Variants in APBB1 observed in about 807,000 individuals in gnomAD.
The protein encoded by APBB1 is amyloid beta precursor protein binding family B member 1.
A neutral mutation model predicts 78.4 loss-of-function variants in APBB1; 22 were observed. The ratio of observed to expected loss-of-function variants is 0.28; its 90% CI spans 0.20 to 0.40. APBB1 has a LOEUF of 0.40. Ranked by LOEUF, APBB1 falls within the 10% of genes least tolerant of loss-of-function variation. The pLI is 1.00. For missense variants in APBB1, 749 were observed against 932.4 expected (o/e 0.80, Z 2.56); for synonymous variants, 369 against 372.7 (o/e 0.99, Z 0.12).
chr11:6,398,421 T>C (rs1848336914), intron 12 of APBB1, among the ~76,000 whole-genome samples: 1 of 152,190 alleles, frequency 6.6e-6, no homozygotes, highest in Non-Finnish European at 1.5e-5. Flanking sequence ...AAATGAATAA[T>C]TAATGAATGA....
At chr11:6,419,189 C>A (rs937781062), upstream of APBB1, 161 of 318,962 alleles carry the variant, frequency 5.0e-4, no homozygotes, top group Non-Finnish European at 7.6e-4. Context: ...GCGGGCGCGG[C>A]ACTTGCCGCA....
rs748534765 is a variant in APBB1 at position 6,411,016 on chromosome 11, T to C, written c.332A>G (p.Lys111Arg). The C allele has an allele frequency of 1.6e-5, 26 of 1,614,038 alleles. No homozygotes were observed. Among genetic ancestry groups the C allele is most frequent in the Non-Finnish European group, 1.3e-5 (15 of 1,180,040 alleles). Reference protein sequence around the residue: ...QEPEMAPLGPKGLIHLYSELE... With the variant: ...QEPEMAPLGPRGLIHLYSELE... ...CTCAGAGTACAGGTGTATCAGGCCTTTGGGGCCCAAGGGTGCCATCTCAGG... is the reference window on the plus strand; with the variant it reads ...CTCAGAGTACAGGTGTATCAGGCCTCTGGGGCCCAAGGGTGCCATCTCAGG... Residue 111 changes from lysine (K) to arginine (R), a missense_variant, in exon 2 of 15, where the codon AAA becomes AGA. This residue lies in a region of APBB1 where 635 missense variants were observed against 765.0 expected (regional missense o/e 0.83). Transcript: ENST00000609360. This position sits in a 1 kb window ranked among gnomAD's most constrained non-coding sequence, Gnocchi z 5.2.
Position 6,401,406 on chromosome 11 carries a change from G to A in APBB1, c.1527C>T (p.Ala509=), listed in dbSNP as rs148544187. The change falls in exon 11 of 15, where the codon GCC becomes GCT. Residue 509 remains alanine (A), a synonymous_variant. Coordinates refer to ENST00000609360, the MANE Select transcript of APBB1 (RefSeq NM_001164.5). The surrounding 1 kb of genome is among the most constrained non-coding windows in gnomAD (Gnocchi z 4.5). ...GGGAGAGTCCATTTACCAAGCAGCG[G>A]GCATTACGCCGTTCGGCCATGATCT... ...CSKIMAERRN[A]RCLVNGLSLD... is the part of the protein sequence containing the mutation. 3.1e-6 allele frequency: 5 copies of A among 1,614,024 alleles called. No homozygotes were observed. The African/African-American group carries it at 5.3e-5, about 17-fold the overall frequency.
In APBB1 at chr11:6,403,777, G is replaced by A. The variant is rs1370812955; in HGVS notation, c.767C>T (p.Pro256Leu). ...GTCCTGGACCCTCATCCATCCAGCC[G>A]GCAGGTCGGAATCCGTCTCGAAGGC... is the stretch of plus-strand genomic sequence containing the variant. ...PNAFETDSDL[P>L]AGWMRVQDTS... The change falls in exon 3 of 15, where the codon CCG becomes CTG. Residue 256 changes from proline (P) to leucine (L), a missense_variant. Physicochemically the swap from Pro to Leu is moderately conservative, Grantham distance 98 (BLOSUM62 -3). Transcript: ENST00000609360. The surrounding 1 kb of genome is among the most constrained non-coding windows in gnomAD (Gnocchi z 5.3). 5.0e-6 allele frequency: 8 copies of A among 1,586,022 alleles called. No homozygotes were observed. Among genetic ancestry groups the A allele is most frequent in the Non-Finnish European group, 6.9e-6 (8 of 1,163,578 alleles).
rs185982434 is a variant in APBB1 at position 6,403,109 on chromosome 11, C to A, written c.1104+36G>T. ...AGGGGCTGTCTGACAAATAAGAGGG[C>A]CCCAGACTCAGAATGGGTGTCAGTC... On this transcript the variant is annotated intron_variant, in intron 6 of 14. Transcript: ENST00000609360. This position sits in a 1 kb window ranked among gnomAD's most constrained non-coding sequence, Gnocchi z 5.3. The A allele has an allele frequency of 9.5e-5, 149 of 1,574,118 alleles. No individual in the cohort carries two copies. The East Asian group carries it at 2.6e-3, about 27-fold the overall frequency.
intron 13 of APBB1, 53 bp downstream of exon 13, chr11:6,396,047 C>G: frequency 5.6e-6 from 9 of 1,599,626 alleles, no homozygotes; most frequent in Admixed American, 1.7e-5. Flanking sequence ...CCCTCACCCC[C>G]AGTCTCCCCT....
chr11:6,405,883 GCA>G (rs1848781910), intron 2 of APBB1, among the ~76,000 whole-genome samples: 1 of 152,172 alleles, frequency 6.6e-6, no homozygotes, highest in Non-Finnish European at 1.5e-5. Context: ...TCCAGGAACA[GCA>G]CCCTAGGGCC....
Position 6,405,774 on chromosome 11 carries a change from A to C in APBB1, c.722-1952T>G, listed in dbSNP as rs548303365. The C allele has an allele frequency of 6.5e-6, 5 of 766,604 alleles. No individual in the cohort carries two copies. The South Asian group carries it at 3.0e-4, about 45-fold the overall frequency. 47.5% of individuals were successfully genotyped at this position (766,604 alleles called of 1,614,324 possible). On this transcript the variant is annotated intron_variant, in intron 2 of 14. Coordinates refer to ENST00000609360, the MANE Select transcript of APBB1 (RefSeq NM_001164.5). ...CCCCCTAACTCACACTCTATGGAAT[A>C]AGGTTTTCAATAGGCACCTGAAACT...
intron 2 of APBB1, among the ~76,000 whole-genome samples, chr11:6,406,711 C>A (rs542069711): frequency 3.7e-4 from 57 of 152,212 alleles, no homozygotes; most frequent in Non-Finnish European, 7.2e-4. Flanking sequence ...CCCTTACTCT[C>A]GATTTTCACC....
At position 6,404,585 on chromosome 11, in the gene APBB1, T is replaced by C. The variant is rs768726596; in HGVS notation, c.722-763A>G. On this transcript the variant is annotated intron_variant, in intron 2 of 14. Transcript: ENST00000609360. ...TGCTGCACACAGATGCAAGCAAACATGTCATGCACATACACACATACCTCG... is the reference window on the plus strand; with the variant it reads ...TGCTGCACACAGATGCAAGCAAACACGTCATGCACATACACACATACCTCG... 1.1e-5 allele frequency: 17 copies of C among 1,535,834 alleles called. No individual in the cohort carries two copies. In the East Asian group the frequency reaches 2.0e-4, roughly 18 times the overall value.
chr11:6,402,761 T>C (rs1290251662), intron 6 of APBB1, 36 bp from the exon 7 acceptor site: 1 of 1,612,658 alleles, frequency 6.2e-7, no homozygotes, highest in Non-Finnish European at 8.5e-7. Flanking sequence ...AGGTAGAGGA[T>C]CTGAGTCAAA....
chr11:6,407,389 A>G (rs1444866778), intron 2 of APBB1, among the ~76,000 whole-genome samples: 2 of 152,094 alleles, frequency 1.3e-5, no homozygotes, highest in Non-Finnish European at 2.9e-5. Context: ...TGCAGCCCCC[A>G]CAGTGACCAT....
chr11:6,404,985 A>G (rs1848735746), intron 2 of APBB1: 3 of 1,431,320 alleles, frequency 2.1e-6, no homozygotes. Context: ...GGCCAGGACC[A>G]CCATGCTAGG....
chr11:6,400,869 AAGGGTAGGGAGAC>A, intron 12 of APBB1, 107 bp downstream of exon 12: 1 of 931,834 alleles, frequency 1.1e-6, no homozygotes, highest in Non-Finnish European at 1.8e-6. Flanking sequence ...ATGCATTTTA[AAGGGTAGGGAGAC>A]ACCAAGCATG....
Position 6,401,769 on chromosome 11 carries a change from G to T in APBB1, c.1389-81C>A. On this transcript the variant is annotated intron_variant, in intron 9 of 14. Transcript: ENST00000609360. The surrounding 1 kb of genome is among the most constrained non-coding windows in gnomAD (Gnocchi z 4.5). Reference sequence around the variant, plus strand: ...TCCCCACCCCACCCACGTCCTCCCTGCCCATCACAGCTCCTCCAGGGCTTC... The same window carrying T: ...TCCCCACCCCACCCACGTCCTCCCTTCCCATCACAGCTCCTCCAGGGCTTC... 6.6e-7 allele frequency: 1 copy of T among 1,515,788 alleles called. No homozygotes were observed. The highest frequency in any genetic ancestry group is 9.1e-7 in the Non-Finnish European group (1 of 1,094,248). The allele number at this position is 1,515,788 out of a possible 1,614,324, so 93.9% of individuals were successfully genotyped here.
intron 13 of APBB1, 44 bp from the exon 14 acceptor site, chr11:6,396,006 C>A: frequency 1.2e-6 from 2 of 1,605,030 alleles, no homozygotes; most frequent in Non-Finnish European, 1.7e-6. Context: ...CAACCCCACA[C>A]TGTGTTCCAC....
intron 1 of APBB1, among the ~76,000 whole-genome samples, chr11:6,418,619 G>A (rs1323959034): frequency 5.9e-5 from 9 of 152,200 alleles, no homozygotes; most frequent in African/African-American, 1.9e-4. Context: ...CAGGGCCTGG[G>A]ACCCCTGCTG....
At chr11:6,410,048 G>A (rs1018228462) in intron 2 of APBB1, among the ~76,000 whole-genome samples, 3 of 151,850 alleles carry the variant, frequency 2.0e-5, no homozygotes, top group African/African-American at 4.8e-5. Context: ...CTGTTAAAAC[G>A]GGGCAGACTG....
In APBB1 at chr11:6,395,654, G is replaced by C; in HGVS notation, c.2013C>G (p.Ser671=). ...CLDARSQAST[S]CLPAPPAESV... ...ACTCAGCAGGGGGTGCTGGGAGGCA[G>C]GAGGTGGAGGCCTGGGAACGGGCAT... Residue 671 remains serine (S), a synonymous_variant, in exon 15 of 15, where the codon TCC becomes TCG. Coordinates refer to ENST00000609360, the MANE Select transcript of APBB1 (RefSeq NM_001164.5). The surrounding 1 kb of genome is among the most constrained non-coding windows in gnomAD (Gnocchi z 5.2). 1.9e-6 allele frequency: 3 copies of C among 1,594,072 alleles called. No homozygotes were observed. The highest frequency in any genetic ancestry group is 2.6e-6 in the Non-Finnish European group (3 of 1,168,870).
Sources: gnomAD v4.1 joint callset for allele counts (sites outside exome capture counted in the v4.1 genomes callset) on GRCh38, gnomAD v4.1.1 for gene constraint, gnomAD v4.1.1 regional missense constraint, Gnocchi (gnomAD v3.1) non-coding constraint, MANE v1.5 for transcripts, NCBI Gene and HGNC (gene_info 2026-07-23, HGNC 2026-07-21) for gene names.